Variants in CPVL observed in about 807,000 individuals in gnomAD.
CPVL encodes the protein carboxypeptidase vitellogenic like, also known as probable serine carboxypeptidase CPVL.
In CPVL, 51 loss-of-function variants were observed where a neutral mutation model predicts 63.7. The ratio of observed to expected loss-of-function variants is 0.80; its 90% CI spans 0.64 to 1.01. The LOEUF is 1.01. Ranked by LOEUF, CPVL falls within the 50% of genes least tolerant of loss-of-function variation. The pLI, the probability that CPVL is intolerant of heterozygous loss-of-function variation, is 0.00. For synonymous variants in CPVL, 195 were observed against 206.0 expected (o/e 0.95, Z 0.46); for missense variants, 530 against 573.1 (o/e 0.92, Z 0.77).
chr7:29,037,066 T>C lies in CPVL; in HGVS notation c.1138-6307A>G, dbSNP rs142970504. Among the ~76,000 whole-genome samples, 11 of 152,320 alleles carry C rather than the reference T, an allele frequency of 7.2e-5. No homozygotes were observed. In the East Asian group the frequency reaches 1.9e-3, roughly 27 times the overall value. On this transcript the variant is annotated intron_variant, in intron 11 of 12. Coordinates refer to ENST00000265394, the MANE Select transcript of CPVL (RefSeq NM_031311.5). ...CACATTGAACAGGTGCTTTATTCTA[T>C]ATTTGTAATTCCACAAGCAAGTGGC...
At chr7:29,146,689 C>T (rs1792740342), upstream of CPVL, 6 of 1,550,678 alleles carry the variant, frequency 3.9e-6, no homozygotes, top group Non-Finnish European at 5.2e-6. Context: ...AAGAAGCAAG[C>T]AGCCCCAGGG....
rs908603612 is a variant in CPVL at position 29,146,430 on chromosome 7, C to G, written c.-12G>C. On this transcript the variant is annotated splice_region_variant and 5_prime_UTR_variant, in exon 1 of 13. Coordinates refer to ENST00000265394, the MANE Select transcript of CPVL (RefSeq NM_031311.5). ...CCACGCAGGGCAGGCGGCACTTACG[C>G]GGCGCAGTCGGTGCTCCTCCCTGAG... is the stretch of plus-strand genomic sequence containing the variant. The G allele has an allele frequency of 2.6e-6, 3 of 1,175,140 alleles. No individual in the cohort carries two copies. Among genetic ancestry groups the G allele is most frequent in the African/African-American group, 1.6e-5 (1 of 64,420 alleles). The allele number at this position is 1,175,140 out of a possible 1,614,324, so 72.8% of individuals were successfully genotyped here.
At chr7:29,111,734 C>T (rs1248297418) in intron 3 of CPVL, among the ~76,000 whole-genome samples, 1 of 152,212 alleles carries the variant, frequency 6.6e-6, no homozygotes, top group African/African-American at 2.4e-5. Context: ...GAAAATATAA[C>T]TCAATAGTAC....
chr7:29,033,849 G>A (rs1244805600), intron 11 of CPVL, among the ~76,000 whole-genome samples: 1 of 152,120 alleles, frequency 6.6e-6, no homozygotes, highest in Non-Finnish European at 1.5e-5. Flanking sequence ...TTACTCCTTA[G>A]AGGGCTGGCT....
At chr7:29,159,560 A>C (rs529796583) in intron 5 of CPVL, among the ~76,000 whole-genome samples, 20 of 152,210 alleles carry the variant, frequency 1.3e-4, no homozygotes, top group African/African-American at 4.8e-4. Context: ...AGAGTGATGA[A>C]ATGGGGTGGC....
At chr7:29,095,735 C>A (rs1053907366) in intron 4 of CPVL, among the ~76,000 whole-genome samples, 6 of 152,074 alleles carry the variant, frequency 3.9e-5, no homozygotes, top group Non-Finnish European at 8.8e-5. Context: ...GTGACTGAAC[C>A]ATAAAGTGTT....
chr7:29,076,273 C>A (rs1784237153), intron 7 of CPVL, among the ~76,000 whole-genome samples: 1 of 152,066 alleles, frequency 6.6e-6, no homozygotes, highest in African/African-American at 2.4e-5. Flanking sequence ...CAACAACAAC[C>A]AGAACTCTTG....
At chr7:29,077,667 C>T (rs961085713) in intron 7 of CPVL, among the ~76,000 whole-genome samples, 7 of 152,202 alleles carry the variant, frequency 4.6e-5, no homozygotes, top group Non-Finnish European at 7.3e-5. Flanking sequence ...GGCATCAAGG[C>T]GCACTGCCCT....
At chr7:29,058,841 T>G (rs886685986) in intron 11 of CPVL, among the ~76,000 whole-genome samples, 3 of 152,206 alleles carry the variant, frequency 2.0e-5, no homozygotes, top group Non-Finnish European at 2.9e-5. Flanking sequence ...TATCTTTGAT[T>G]TTTTTGAAGC....
chr7:29,136,622 T>A (rs1363804552), intron 1 of CPVL, among the ~76,000 whole-genome samples: 1 of 152,000 alleles, frequency 6.6e-6, no homozygotes, highest in Non-Finnish European at 1.5e-5. Flanking sequence ...AACAGACAGG[T>A]AAAAGTATGA....
chr7:29,173,993 A>G (rs1562807735), intron 5 of CPVL, among the ~76,000 whole-genome samples: 4 of 152,062 alleles, frequency 2.6e-5, no homozygotes, highest in African/African-American at 9.7e-5. Flanking sequence ...ATGCACTCAT[A>G]TCTCATATTA....
At chr7:29,166,348 A>G (rs1427736035) in intron 5 of CPVL, among the ~76,000 whole-genome samples, 2 of 152,058 alleles carry the variant, frequency 1.3e-5, no homozygotes, top group Non-Finnish European at 2.9e-5. Flanking sequence ...AAAGTGTTTT[A>G]TCCTCTTTGA....
At chr7:29,135,273 G>C (rs1050247873) in intron 1 of CPVL, among the ~76,000 whole-genome samples, 7 of 151,804 alleles carry the variant, frequency 4.6e-5, no homozygotes, top group African/African-American at 1.7e-4. Flanking sequence ...AAACTTTCCA[G>C]AGAAGAAGAC....
intron 12 of CPVL, among the ~76,000 whole-genome samples, chr7:29,018,378 C>T (rs113268412): frequency 4.7e-4 from 58 of 123,970 alleles, no homozygotes; most frequent in Middle Eastern, 4.3e-3. Context: ...AATTTTTAAT[C>T]TTTTTTTTTT....
chr7:29,139,186 C>T (rs941735088), intron 1 of CPVL, among the ~76,000 whole-genome samples: 14 of 152,206 alleles, frequency 9.2e-5, no homozygotes, highest in African/African-American at 3.4e-4. Flanking sequence ...TGCCACAATT[C>T]CTGAATGTAC....
chr7:29,091,099 A>G (rs1785726282), intron 6 of CPVL, among the ~76,000 whole-genome samples: 1 of 152,246 alleles, frequency 6.6e-6, no homozygotes, highest in South Asian at 2.1e-4. Flanking sequence ...GCTATTTTCC[A>G]GTTCTAAGAG....
In CPVL at chr7:29,092,710, A is replaced by G; in HGVS notation, c.463-8T>C. 6.3e-7 allele frequency: 1 copy of G among 1,597,684 alleles called. No homozygotes were observed. On this transcript the variant is annotated splice_region_variant and splice_polypyrimidine_tract_variant and intron_variant, in intron 5 of 12. Coordinates refer to ENST00000265394, the MANE Select transcript of CPVL (RefSeq NM_031311.5). Reference sequence around the variant, plus strand: ...ACTGAAGCCTGTGCCCACCTGCAGGAGAAATAAACACGCAGGTATAAACAC... The same window carrying G: ...ACTGAAGCCTGTGCCCACCTGCAGGGGAAATAAACACGCAGGTATAAACAC...
At chr7:29,034,956 C>G (rs1043312299) in intron 11 of CPVL, among the ~76,000 whole-genome samples, 2 of 151,146 alleles carry the variant, frequency 1.3e-5, no homozygotes, top group Admixed American at 1.3e-4. Flanking sequence ...CAAATACTAC[C>G]ATACCAGCTC....
chr7:29,044,930 T>C (rs1289386756), intron 11 of CPVL, among the ~76,000 whole-genome samples: 3 of 152,244 alleles, frequency 2.0e-5, no homozygotes, highest in Non-Finnish European at 4.4e-5. Context: ...GATGAAATTC[T>C]ACATTTCCTG....
Sources: gnomAD v4.1 joint callset for allele counts (sites outside exome capture counted in the v4.1 genomes callset) on GRCh38, gnomAD v4.1.1 for gene constraint, MANE v1.5 for transcripts, NCBI Gene and HGNC (gene_info 2026-07-23, HGNC 2026-07-21) for gene names.